Variants in MGAT4C observed in about 807,000 individuals in gnomAD.
The protein encoded by MGAT4C is MGAT4 family member C.
Under a neutral mutation model 40.1 loss-of-function variants are expected in MGAT4C, and 19 were observed. The ratio of observed to expected loss-of-function variants is 0.47; its 90% CI spans 0.33 to 0.70. MGAT4C has a LOEUF of 0.70. Ranked by LOEUF, MGAT4C falls within the 30% of genes least tolerant of loss-of-function variation. MGAT4C has a pLI of 0.02. For synonymous variants in MGAT4C, 181 were observed against 187.1 expected (o/e 0.97, Z 0.27); for missense variants, 491 against 563.2 (o/e 0.87, Z 1.30).
Position 86,035,730 on chromosome 12 carries a change from G to A in MGAT4C, c.-7+13944C>T, listed in dbSNP as rs550249603. Among the ~76,000 whole-genome samples the A allele has an allele frequency of 1.3e-4, 19 of 149,784 alleles. No individual in the cohort carries two copies. The South Asian group carries it at 4.0e-3, about 31-fold the overall frequency. On this transcript the variant is annotated intron_variant, in intron 2 of 4. Transcript: ENST00000611864. Reference sequence around the variant, plus strand: ...TTTAAGTCTTATATTTAAATCTTTAGTCCATCTTGGGTTAATTTTTATATA... The same window carrying A: ...TTTAAGTCTTATATTTAAATCTTTAATCCATCTTGGGTTAATTTTTATATA...
intron 2 of MGAT4C, among the ~76,000 whole-genome samples, chr12:86,015,347 C>T (rs924397883): frequency 3.3e-5 from 5 of 151,988 alleles, no homozygotes; most frequent in Admixed American, 6.6e-5. Flanking sequence ...CCCTTTGCTG[C>T]CTCCCGACAA....
At chr12:86,792,149 A>G (rs1018219836) in intron 1 of MGAT4C, among the ~76,000 whole-genome samples, 1 of 152,244 alleles carries the variant, frequency 6.6e-6, no homozygotes, top group Non-Finnish European at 1.5e-5. Context: ...TCAAAAGTCC[A>G]GTCAAAAATT....
intron 2 of MGAT4C, among the ~76,000 whole-genome samples, chr12:86,704,043 A>T (rs1181038775): frequency 2.6e-5 from 4 of 152,154 alleles, no homozygotes; most frequent in Non-Finnish European, 5.9e-5. Context: ...TTTTATAGCA[A>T]ATATGTAATA....
chr12:86,570,973 C>A (rs1960340236), intron 2 of MGAT4C, among the ~76,000 whole-genome samples: 1 of 151,934 alleles, frequency 6.6e-6, no homozygotes, highest in Non-Finnish European at 1.5e-5. Flanking sequence ...GCCATCACAC[C>A]CAGCTAACTT....
intron 3 of MGAT4C, among the ~76,000 whole-genome samples, chr12:86,367,413 G>A (rs1955619986): frequency 6.6e-6 from 1 of 152,024 alleles, no homozygotes; most frequent in African/African-American, 2.4e-5. Context: ...AGATGTTTGG[G>A]AACACACAAC....
At chr12:86,122,182 G>A (rs1362830599) in intron 1 of MGAT4C, among the ~76,000 whole-genome samples, 3 of 151,994 alleles carry the variant, frequency 2.0e-5, no homozygotes, top group African/African-American at 7.2e-5. Context: ...TAATAACTTA[G>A]AAACTTCATT....
intron 2 of MGAT4C, among the ~76,000 whole-genome samples, chr12:86,484,195 C>T (rs2136316011): frequency 6.6e-6 from 1 of 152,196 alleles, no homozygotes; most frequent in Middle Eastern, 3.4e-3. Context: ...ACCCATGCTG[C>T]AGAGCCGAGG....
intron 2 of MGAT4C, among the ~76,000 whole-genome samples, chr12:86,482,263 AAATT>A (rs1957950924): frequency 6.6e-6 from 1 of 152,084 alleles, no homozygotes; most frequent in Non-Finnish European, 1.5e-5. Flanking sequence ...TTAATCAGCT[AAATT>A]AAAAAACTGT....
At chr12:86,410,664 G>A (rs1956586161) in intron 3 of MGAT4C, among the ~76,000 whole-genome samples, 2 of 152,120 alleles carry the variant, frequency 1.3e-5, no homozygotes, top group African/African-American at 4.8e-5. Context: ...AAGATAACAG[G>A]ACTAAGAGAT....
chr12:86,277,078 A>G (rs1307116737), intron 4 of MGAT4C, among the ~76,000 whole-genome samples: 1 of 152,104 alleles, frequency 6.6e-6, no homozygotes, highest in Non-Finnish European at 1.5e-5. Context: ...CTTTCTCTAT[A>G]TCCTCTTTAG....
intron 2 of MGAT4C, among the ~76,000 whole-genome samples, chr12:86,698,000 C>T (rs967155105): frequency 1.3e-5 from 2 of 152,074 alleles, no homozygotes; most frequent in Non-Finnish European, 2.9e-5. Flanking sequence ...AATCAGTACT[C>T]TGTTCACCAT....
intron 1 of MGAT4C, among the ~76,000 whole-genome samples, chr12:86,813,527 G>GTA (rs372904020): frequency 9.6e-4 from 146 of 151,984 alleles, no homozygotes; most frequent in African/African-American, 3.3e-3. Context: ...CATATGCAAT[G>GTA]TATATGTGTT....
chr12:86,319,993 G>T (rs779370266), intron 4 of MGAT4C, among the ~76,000 whole-genome samples: 1 of 152,050 alleles, frequency 6.6e-6, no homozygotes, highest in Non-Finnish European at 1.5e-5. Context: ...AACCAGTTCC[G>T]TGGTTCTTAT....
At chr12:86,123,023 T>TACA (rs1323116171) in intron 1 of MGAT4C, among the ~76,000 whole-genome samples, 6 of 152,162 alleles carry the variant, frequency 3.9e-5, no homozygotes, top group Admixed American at 3.9e-4. Flanking sequence ...CAAGCCAGTA[T>TACA]TAGTCATGAT....
upstream of MGAT4C, among the ~76,000 whole-genome samples, chr12:86,259,059 A>G (rs927537252): frequency 6.6e-6 from 1 of 151,996 alleles, no homozygotes; most frequent in Non-Finnish European, 1.5e-5. Context: ...ATATATGAAT[A>G]TCAGTTTTAT....
At chr12:86,106,382 A>T (rs893546582) in intron 1 of MGAT4C, among the ~76,000 whole-genome samples, 1 of 152,058 alleles carries the variant, frequency 6.6e-6, no homozygotes, top group Admixed American at 6.6e-5. Flanking sequence ...CTCACTGCAA[A>T]CTCCGTTTCT....
chr12:85,979,045 A>C lies in MGAT4C; in HGVS notation c.*244T>G, dbSNP rs1884232157. 4 of 288,068 alleles carry C rather than the reference A, an allele frequency of 1.4e-5. No homozygotes were observed. Among genetic ancestry groups the C allele is most frequent in the Non-Finnish European group, 6.4e-6 (1 of 155,372 alleles). 17.8% of individuals were successfully genotyped at this position (288,068 alleles called of 1,614,324 possible). A position where few individuals can be genotyped will look rare whatever the true frequency, so the allele number is the denominator to read the frequency against. On this transcript the variant is annotated 3_prime_UTR_variant, in exon 5 of 5. Transcript: ENST00000611864. ...AATCAGTTGAAATTTTAAAACTAAG[A>C]ACATTTAAAAATATAAATGAAAGTA...
chr12:86,081,299 T>C (rs942191916), intron 1 of MGAT4C, among the ~76,000 whole-genome samples: 3 of 152,220 alleles, frequency 2.0e-5, no homozygotes, highest in Non-Finnish European at 4.4e-5. Flanking sequence ...TTTGTTGCTA[T>C]GGTGACTTTT....
At chr12:86,808,086 A>C (rs926685532) in intron 1 of MGAT4C, among the ~76,000 whole-genome samples, 6 of 152,110 alleles carry the variant, frequency 3.9e-5, no homozygotes, top group South Asian at 2.1e-4. Context: ...ACTAAGAATA[A>C]GTTAAAGCCC....
Sources: gnomAD v4.1 joint callset for allele counts (sites outside exome capture counted in the v4.1 genomes callset) on GRCh38, gnomAD v4.1.1 for gene constraint, MANE v1.5 for transcripts, NCBI Gene and HGNC (gene_info 2026-07-23, HGNC 2026-07-21) for gene names.